ADAMTS16: variants seen among roughly 807,000 people sequenced by gnomAD.
The protein encoded by ADAMTS16 is ADAM metallopeptidase with thrombospondin type 1 motif 16.
A neutral mutation model predicts 145.8 loss-of-function variants in ADAMTS16; 94 were observed. The ratio of observed to expected loss-of-function variants is 0.64; its 90% CI spans 0.55 to 0.77. The LOEUF is 0.77. Ranked by LOEUF, ADAMTS16 falls within the 30% of genes least tolerant of loss-of-function variation. The pLI is 0.00. For synonymous variants in ADAMTS16, 659 were observed against 604.3 expected (o/e 1.09, Z -1.33); for missense variants, 1,585 against 1,591.5 (o/e 1.00, Z 0.07).
At chr5:5,158,132 C>T (rs575715129) in intron 3 of ADAMTS16, among the ~76,000 whole-genome samples, 2 of 152,288 alleles carry the variant, frequency 1.3e-5, no homozygotes, top group East Asian at 1.9e-4. Flanking sequence ...TGCATCCATA[C>T]TACACCTTAT....
rs532410830 is a variant in ADAMTS16, at chr5:5,261,090, G to T, written c.2663-1567G>T. ...AATCACTCTTAGATCTGAATATATT[G>T]TGTGTTAATATTAAATCAACACTGG... On this transcript the variant is annotated intron_variant, in intron 17 of 22. Transcript: ENST00000274181. Among the ~76,000 whole-genome samples the T allele has an allele frequency of 7.2e-5, 11 of 152,216 alleles. No homozygotes were observed. In the East Asian group the frequency reaches 2.1e-3, roughly 29 times the overall value.
intron 10 of ADAMTS16, among the ~76,000 whole-genome samples, chr5:5,213,303 G>A (rs189135982): frequency 4.6e-5 from 7 of 152,212 alleles, no homozygotes; most frequent in Non-Finnish European, 8.8e-5. Context: ...ATTCTAGCAC[G>A]TATCTGCTAG....
chr5:5,279,075 G>A (rs946245618), intron 18 of ADAMTS16, among the ~76,000 whole-genome samples: 6 of 152,142 alleles, frequency 3.9e-5, no homozygotes, highest in Non-Finnish European at 7.4e-5. Context: ...CCCCACACAG[G>A]CCAATCTCTC....
At chr5:5,186,440 C>T (rs568654110) in intron 5 of ADAMTS16, among the ~76,000 whole-genome samples, 189 bp downstream of exon 5, 69 of 152,090 alleles carry the variant, frequency 4.5e-4, no homozygotes, top group African/African-American at 1.6e-3. Flanking sequence ...GAGCCATTTT[C>T]AGAACTTCAT....
At chr5:5,218,864 T>C (rs1010558781) in intron 10 of ADAMTS16, among the ~76,000 whole-genome samples, 2 of 152,130 alleles carry the variant, frequency 1.3e-5, no homozygotes, top group African/African-American at 2.4e-5. Flanking sequence ...CTCTGCCACG[T>C]CATTCATCTT....
intron 17 of ADAMTS16, among the ~76,000 whole-genome samples, chr5:5,250,295 G>A (rs9686504): frequency 0.038 from 5,805 of 152,176 alleles, 122 homozygotes; most frequent in Middle Eastern, 0.058. Flanking sequence ...AGGATTTAGG[G>A]AGAAATCCTA....
At chr5:5,279,972 CT>C (rs11342940) in intron 18 of ADAMTS16, among the ~76,000 whole-genome samples, 30,266 of 139,032 alleles carry the variant, frequency 0.22, 3,494 homozygotes, top group Admixed American at 0.38. Context: ...TTCCTTCTTT[CT>C]TTTTTTCTTT....
At chr5:5,288,397 T>G (rs576723985) in intron 18 of ADAMTS16, among the ~76,000 whole-genome samples, 145 of 152,184 alleles carry the variant, frequency 9.5e-4, no homozygotes, top group Non-Finnish European at 1.9e-3. Context: ...AAGGCTCCGG[T>G]GAGAGGCAGG....
At chr5:5,234,098 G>C (rs562951885) in intron 12 of ADAMTS16, among the ~76,000 whole-genome samples, 2 of 152,284 alleles carry the variant, frequency 1.3e-5, no homozygotes, top group African/African-American at 4.8e-5. Context: ...CACTTGGCTT[G>C]TTGTTTCAGT....
At chr5:5,235,229 T>A in intron 13 of ADAMTS16, 43 bp downstream of exon 13, 2 of 1,460,810 alleles carry the variant, frequency 1.4e-6, no homozygotes, top group Non-Finnish European at 1.8e-6. Flanking sequence ...CATGCTTTAC[T>A]ACCTTTACTT....
At chr5:5,273,264 G>A (rs894675099) in intron 18 of ADAMTS16, among the ~76,000 whole-genome samples, 3 of 152,226 alleles carry the variant, frequency 2.0e-5, no homozygotes, top group Admixed American at 6.5e-5. Context: ...AGTGACTCAC[G>A]CCTGTAATCC....
chr5:5,189,819 A>G, intron 6 of ADAMTS16, 152 bp from the exon 7 acceptor site: 2 of 868,008 alleles, frequency 2.3e-6, no homozygotes, highest in Non-Finnish European at 3.5e-6. Context: ...GGTTTTATAG[A>G]ATACGTAAAA....
chr5:5,232,647 A>G, intron 12 of ADAMTS16, 131 bp downstream of exon 12: 2 of 1,154,266 alleles, frequency 1.7e-6, no homozygotes, highest in South Asian at 1.4e-5. Context: ...TCTGTCACCC[A>G]GGCTGGAGTG....
At chr5:5,252,588 T>C (rs554092405) in intron 17 of ADAMTS16, among the ~76,000 whole-genome samples, 8 of 152,254 alleles carry the variant, frequency 5.3e-5, no homozygotes, top group African/African-American at 1.7e-4. Context: ...ACTTTAATCA[T>C]GGTAATTTTG....
At chr5:5,201,405 G>C (rs1441178236) in intron 9 of ADAMTS16, among the ~76,000 whole-genome samples, 2 of 152,020 alleles carry the variant, frequency 1.3e-5, no homozygotes, top group Non-Finnish European at 2.9e-5. Flanking sequence ...GAAGAACAGA[G>C]GGAAGGGCAC....
intron 11 of ADAMTS16, among the ~76,000 whole-genome samples, chr5:5,227,942 T>A (rs1185165813): frequency 6.6e-6 from 1 of 152,206 alleles, no homozygotes; most frequent in East Asian, 1.9e-4. Flanking sequence ...TATATACTTC[T>A]GTGGAATGAT....
rs1293881551 is a variant in ADAMTS16, at chr5:5,271,304, G to A, written c.2789+8521G>A. Among the ~76,000 whole-genome samples the A allele has an allele frequency of 3.3e-5, 5 of 152,328 alleles. No homozygotes were observed. The East Asian group carries it at 7.7e-4, about 24-fold the overall frequency. On this transcript the variant is annotated intron_variant, in intron 18 of 22. Coordinates refer to ENST00000274181, the MANE Select transcript of ADAMTS16 (RefSeq NM_139056.4). ...CTCTTAAAATGGCTGTGCAGCCTCG[G>A]CCAGCAGGAGTATCCTGGAGAAATA...
At chr5:5,220,304 C>A (rs1736560588) in intron 10 of ADAMTS16, among the ~76,000 whole-genome samples, 1 of 150,756 alleles carries the variant, frequency 6.6e-6, no homozygotes, top group Non-Finnish European at 1.5e-5. Flanking sequence ...GGACTACAGG[C>A]ACCCGCCACC....
intron 5 of ADAMTS16, among the ~76,000 whole-genome samples, chr5:5,186,539 C>T (rs1310885018): frequency 1.3e-5 from 2 of 152,254 alleles, no homozygotes; most frequent in Admixed American, 6.5e-5. Context: ...CATCTATTTA[C>T]TGGAAATCTC....
Sources: allele counts gnomAD v4.1 joint callset (sites outside exome capture counted in the v4.1 genomes callset), GRCh38; gene constraint gnomAD v4.1.1; transcripts MANE v1.5; gene names NCBI Gene and HGNC (gene_info 2026-07-23, HGNC 2026-07-21).